CNTNAP2: variants seen among roughly 807,000 people sequenced by gnomAD.
CNTNAP2 encodes the protein contactin-associated protein-like 2.
A neutral mutation model predicts 155.2 loss-of-function variants in CNTNAP2; 98 were observed. That is an observed-to-expected ratio of 0.63 (90% CI 0.54 to 0.75). CNTNAP2 has a LOEUF of 0.75. Among genes scored for constraint, CNTNAP2 ranks in the 30% least tolerant of loss-of-function variants. The pLI, the probability that CNTNAP2 is intolerant of heterozygous loss-of-function variation, is 0.00. For missense variants in CNTNAP2, 1,727 were observed against 1,688.1 expected (o/e 1.02, Z -0.40); for synonymous variants, 651 against 631.2 (o/e 1.03, Z -0.47).
At chr7:148,166,077 C>G (rs891048822) in intron 17 of CNTNAP2, among the ~76,000 whole-genome samples, 3 of 151,944 alleles carry the variant, frequency 2.0e-5, no homozygotes, top group African/African-American at 4.8e-5. Flanking sequence ...TCCTAACCAC[C>G]CTACTTGAAA....
At chr7:147,409,872 A>G (rs1375210132) in intron 10 of CNTNAP2, among the ~76,000 whole-genome samples, 1 of 152,186 alleles carries the variant, frequency 6.6e-6, no homozygotes, top group Admixed American at 6.5e-5. Context: ...AGGCTAGTCA[A>G]AATGGCTATT....
At chr7:146,656,938 C>T (rs1437700097) in intron 1 of CNTNAP2, among the ~76,000 whole-genome samples, 1 of 152,132 alleles carries the variant, frequency 6.6e-6, no homozygotes, top group African/African-American at 2.4e-5. Flanking sequence ...ATTTTTTGTA[C>T]ATTGAGATCC....
chr7:147,144,969 A>G (rs1308496572), intron 8 of CNTNAP2, among the ~76,000 whole-genome samples: 1 of 152,230 alleles, frequency 6.6e-6, no homozygotes, highest in East Asian at 1.9e-4. Context: ...ATTCTAATTG[A>G]GTGCTATAAT....
intron 2 of CNTNAP2, among the ~76,000 whole-genome samples, chr7:146,826,990 G>A (rs1392303113): frequency 6.6e-6 from 1 of 151,746 alleles, no homozygotes; most frequent in East Asian, 1.9e-4. Flanking sequence ...GATACAATGA[G>A]AACCACTAAC....
intron 8 of CNTNAP2, among the ~76,000 whole-genome samples, chr7:147,254,009 C>T (rs570678034): frequency 8.2e-4 from 125 of 152,130 alleles, no homozygotes; most frequent in Non-Finnish European, 1.4e-3. Context: ...TCTTTGAATC[C>T]AACCCAGTGC....
chr7:146,746,140 T>G (rs1371419557), intron 1 of CNTNAP2, among the ~76,000 whole-genome samples: 2 of 152,224 alleles, frequency 1.3e-5, no homozygotes, highest in Non-Finnish European at 2.9e-5. Flanking sequence ...TCATTTTATC[T>G]TTTTTAGATC....
intron 1 of CNTNAP2, among the ~76,000 whole-genome samples, chr7:146,375,197 A>G (rs898914746): frequency 2.6e-5 from 4 of 152,218 alleles, no homozygotes; most frequent in African/African-American, 9.6e-5. Flanking sequence ...TTACCAGACT[A>G]TCTCTCAACA....
At position 146,760,409 on chromosome 7, in the gene CNTNAP2, C is replaced by CTTTTTTTTTTTTTTTTTTT. The variant is rs532820418; in HGVS notation, c.98-13847_98-13829dup. The stretch of plus-strand genomic sequence containing the variant: ...CACCTCTGTATCATCTCCAATTTAC[C>CTTTTTTTTTTTTTTTTTTT]TTTTTTTTTTTTTTTTTTTTTTTTT... On this transcript the variant is annotated intron_variant, in intron 1 of 23. Transcript: ENST00000361727. Among the ~76,000 whole-genome samples the CTTTTTTTTTTTTTTTTTTT allele has an allele frequency of 1.0e-3, 59 of 56,296 alleles. 7 individuals are homozygous for CTTTTTTTTTTTTTTTTTTT. Among genetic ancestry groups the CTTTTTTTTTTTTTTTTTTT allele is most frequent in the African/African-American group, 1.7e-3 (20 of 11,802 alleles). The allele number at this position is 56,296 out of a possible 152,430, so 36.9% of individuals were successfully genotyped here.
intron 1 of CNTNAP2, among the ~76,000 whole-genome samples, chr7:146,196,826 G>T (rs6974662): frequency 1.3e-5 from 2 of 151,888 alleles, no homozygotes; most frequent in Non-Finnish European, 2.9e-5. Context: ...TTGTATTGTC[G>T]CACTACTATT....
rs1394255792 is a variant in CNTNAP2 at position 148,041,505 on chromosome 7, T to A, written c.2383+63516T>A. Among the ~76,000 whole-genome samples, 10 of 152,334 alleles carry A rather than the reference T, an allele frequency of 6.6e-5. No individual in the cohort carries two copies. In the East Asian group the frequency reaches 1.9e-3, roughly 29 times the overall value. On this transcript the variant is annotated intron_variant, in intron 15 of 23. Transcript: ENST00000361727. Reference sequence around the variant, plus strand: ...CCGTGGCATTTCAACCCTAGATTAATCTGAGTGTCGCTTTTGCTGCCACTA... The same window carrying A: ...CCGTGGCATTTCAACCCTAGATTAAACTGAGTGTCGCTTTTGCTGCCACTA...
intron 15 of CNTNAP2, among the ~76,000 whole-genome samples, chr7:148,067,505 AG>A (rs897591717): frequency 6.6e-6 from 1 of 152,202 alleles, no homozygotes; most frequent in African/African-American, 2.4e-5. Context: ...TCGAGGTAGT[AG>A]GGAAGTGAGG....
In CNTNAP2 at chr7:146,795,283, C is replaced by G. The variant is rs148724729; in HGVS notation, c.208+20902C>G. Among the ~76,000 whole-genome samples, 285 of 152,140 alleles carry G rather than the reference C, an allele frequency of 1.9e-3. 1 individual carries two copies. The highest frequency in any genetic ancestry group is 6.3e-3 in the African/African-American group (263 of 41,484). ...TCAGTTCTGTATATCGACATTTTGC[C>G]AACACTATGCTAATTCTATGGCTCT... On this transcript the variant is annotated intron_variant, in intron 2 of 23. Coordinates refer to ENST00000361727, the MANE Select transcript of CNTNAP2 (RefSeq NM_014141.6).
At chr7:147,557,874 A>T (rs1481419248) in intron 11 of CNTNAP2, among the ~76,000 whole-genome samples, 1 of 152,208 alleles carries the variant, frequency 6.6e-6, no homozygotes, top group African/African-American at 2.4e-5. Flanking sequence ...CACCAACTTA[A>T]TACCTCAATT....
chr7:147,324,541 G>T (rs987006857), intron 9 of CNTNAP2, among the ~76,000 whole-genome samples: 5 of 112,672 alleles, frequency 4.4e-5, no homozygotes, highest in Non-Finnish European at 6.9e-5. Flanking sequence ...TCAACTTAAA[G>T]GTTAAAGACA....
At chr7:147,308,224 G>A (rs1795065682) in intron 9 of CNTNAP2, among the ~76,000 whole-genome samples, 2 of 152,276 alleles carry the variant, frequency 1.3e-5, no homozygotes, top group South Asian at 2.1e-4. Flanking sequence ...TGCAGGGAGC[G>A]ATTAGGAAAG....
chr7:148,295,636 T>C (rs113008750), intron 21 of CNTNAP2, among the ~76,000 whole-genome samples: 3,544 of 130,688 alleles, frequency 0.027, 162 homozygotes, highest in African/African-American at 0.053. Context: ...GGACTACCGG[T>C]GCCCGCCACC....
intron 3 of CNTNAP2, among the ~76,000 whole-genome samples, chr7:146,968,688 A>G (rs112065325): frequency 3.7e-4 from 56 of 150,836 alleles, no homozygotes; most frequent in Non-Finnish European, 1.2e-4. Context: ...GTGTCTATTT[A>G]ATTCTTCTCT....
intron 3 of CNTNAP2, among the ~76,000 whole-genome samples, chr7:146,946,595 G>T (rs1040794642): frequency 6.6e-6 from 1 of 152,070 alleles, no homozygotes; most frequent in African/African-American, 2.4e-5. Flanking sequence ...AGCTTTAAAG[G>T]TAAAAGGTTG....
At chr7:146,717,200 G>A (rs145480298) in intron 1 of CNTNAP2, among the ~76,000 whole-genome samples, 1 of 152,202 alleles carries the variant, frequency 6.6e-6, no homozygotes, top group East Asian at 1.9e-4. Context: ...GATGCAGAGA[G>A]CTGTTTGTGT....
Sources: allele counts gnomAD v4.1 joint callset (sites outside exome capture counted in the v4.1 genomes callset), GRCh38; gene constraint gnomAD v4.1.1; transcripts MANE v1.5; gene names NCBI Gene and HGNC (gene_info 2026-07-23, HGNC 2026-07-21).